MMP19: variants seen among roughly 807,000 people sequenced by gnomAD.
The protein encoded by MMP19 is matrix metallopeptidase 19.
In MMP19, 47 loss-of-function variants were observed where a neutral mutation model predicts 46.6. The ratio of observed to expected loss-of-function variants is 1.01; its 90% CI spans 0.80 to 1.29. The LOEUF (loss-of-function observed/expected upper bound fraction) is 1.29. Ranked by LOEUF, MMP19 falls within the 50% of genes most tolerant of loss-of-function variation. MMP19 has a pLI of 0.00. For missense variants in MMP19, 589 were observed against 643.5 expected (o/e 0.92, Z 0.92); for synonymous variants, 222 against 248.5 (o/e 0.89, Z 1.00).
At chr12:55,842,533 C>A in intron 1 of MMP19, 95 bp from the exon 2 acceptor site, 1 of 1,078,850 alleles carries the variant, frequency 9.3e-7, no homozygotes, top group South Asian at 1.3e-5. Flanking sequence ...GAGGAGGGAC[C>A]TGATATGGAA....
Position 55,837,110 on chromosome 12 carries a change from T to C in MMP19, c.1453A>G (p.Asn485Asp). 6.2e-7 allele frequency: 1 copy of C among 1,612,984 alleles called. No homozygotes were observed. The highest frequency in any genetic ancestry group is 2.2e-5 in the East Asian group (1 of 44,856). ...RTIDTTPSGG[N>D]TTPSGTGITL... ...ATGCCCGTACCTGAGGGAGTGGTAT[T>C]CCCACCTGATGGGGTAGTGTCTATA... The change falls in exon 9 of 9, where the codon AAT becomes GAT. Residue 485 changes from asparagine to aspartate, a missense_variant. Physicochemically the swap from Asn to Asp is conservative, Grantham distance 23. Transcript: ENST00000322569.
chr12:55,842,711 C>T (rs373082562), intron 1 of MMP19, 33 bp downstream of exon 1: 107 of 1,552,008 alleles, frequency 6.9e-5, no homozygotes, highest in Middle Eastern at 5.1e-4. Flanking sequence ...CCTGTCCCTC[C>T]GCTGGCCCAG....
At chr12:55,842,248 C>G in intron 2 of MMP19, 105 bp downstream of exon 2, 1 of 880,476 alleles carries the variant, frequency 1.1e-6, no homozygotes, top group Non-Finnish European at 1.9e-6. Flanking sequence ...AAATCCCTGG[C>G]ATGGTTTAGG....
In MMP19 at chr12:55,842,383, A is replaced by C; in HGVS notation, c.143T>G (p.Phe48Cys). 1 of 1,613,978 alleles carries C rather than the reference A, an allele frequency of 6.2e-7. No individual in the cohort carries two copies. Among genetic ancestry groups the C allele is most frequent in the Non-Finnish European group, 8.5e-7 (1 of 1,179,924 alleles). ...AGCCTCGGTGATATCTTCTGGCTTG[A>C]AGTTATTAGATCCTTCTAGAGGCTT... ...LQKPLEGSNNFKPEDITEALR... is the reference protein window; with the variant it reads ...LQKPLEGSNNCKPEDITEALR... The change falls in exon 2 of 9, where the codon TTC becomes TGC. Residue 48 changes from phenylalanine to cysteine, a missense_variant. Phe to Cys is a radical substitution (Grantham distance 205). Coordinates refer to ENST00000322569, the MANE Select transcript of MMP19 (RefSeq NM_002429.6).
rs1881675704 is a variant in MMP19, at chr12:55,841,256, G to T, written c.174-20C>A. 1.0e-5 allele frequency: 16 copies of T among 1,605,282 alleles called. No individual in the cohort carries two copies. Among genetic ancestry groups the T allele is most frequent in the Non-Finnish European group, 1.4e-5 (16 of 1,176,266 alleles). On this transcript the variant is annotated intron_variant, in intron 2 of 8. Transcript: ENST00000322569. Reference sequence around the variant, plus strand: ...AAAGCTCTGAAGGAGGGAGAGGGATGGGTCTACCAGGACAGGAAAATCTGA... The same window carrying T: ...AAAGCTCTGAAGGAGGGAGAGGGATTGGTCTACCAGGACAGGAAAATCTGA...
At chr12:55,841,392 C>T in intron 2 of MMP19, 156 bp from the exon 3 acceptor site, 1 of 707,418 alleles carries the variant, frequency 1.4e-6, no homozygotes, top group Non-Finnish European at 2.3e-6. Context: ...GTCCTCATAA[C>T]TGGGACTTTC....
intron 5 of MMP19, among the ~76,000 whole-genome samples, chr12:55,839,017 A>AT (rs1881473390): frequency 6.6e-6 from 1 of 152,082 alleles, no homozygotes; most frequent in African/African-American, 2.4e-5. Context: ...AGGCGGGTGG[A>AT]TTGCCTGAGC....
chr12:55,840,061 C>T (rs1881571566), intron 4 of MMP19: 2 of 302,294 alleles, frequency 6.6e-6, no homozygotes, highest in Non-Finnish European at 1.2e-5. Context: ...GGTGATGGCT[C>T]ACACCTGTAA....
At position 55,839,509 on chromosome 12, in the gene MMP19, G is replaced by A. The variant is rs1174166847; in HGVS notation, c.753C>T (p.Ile251=). Residue 251 remains isoleucine, a synonymous_variant, in exon 5 of 9, where the codon ATC becomes ATT. Transcript: ENST00000322569. ...FKLHPDDVAG[I]QALYGKKSPV... ...GGAGGGACTGACCATAGAGAGCCTG[G>A]ATCCCTGCCACATCATCTGGGTGCA... 2 of 1,609,944 alleles carry A rather than the reference G, an allele frequency of 1.2e-6. No individual in the cohort carries two copies. Among genetic ancestry groups the A allele is most frequent in the Non-Finnish European group, 1.7e-6 (2 of 1,176,704 alleles).
At position 55,839,694 on chromosome 12, in the gene MMP19, A is replaced by C. The variant is rs1881542785; in HGVS notation, c.568T>G (p.Phe190Val). 1 of 1,614,022 alleles carries C rather than the reference A, an allele frequency of 6.2e-7. No individual in the cohort carries two copies. The highest frequency in any genetic ancestry group is 1.7e-5 in the Admixed American group (1 of 59,982). ...ADIPELGSVH[F>V]DEDEFWTEGT... ...TCAGTCCAGAACTCGTCTTCGTCGA[A>C]GTGCACACTGCCCAGCTCTGGGATG... Residue 190 changes from phenylalanine (F) to valine (V), a missense_variant, in exon 5 of 9, where the codon TTC becomes GTC. Transcript: ENST00000322569.
At position 55,842,387 on chromosome 12, in the gene MMP19, T is replaced by C. The variant is rs1412715104; in HGVS notation, c.139A>G (p.Asn47Asp). ...TCGGTGATATCTTCTGGCTTGAAGT[T>C]ATTAGATCCTTCTAGAGGCTTCTGT... ...YLQKPLEGSN[N>D]FKPEDITEAL... Residue 47 changes from asparagine to aspartate, a missense_variant, in exon 2 of 9, where the codon AAC (asparagine) becomes GAC (aspartate). Asn to Asp is a conservative substitution (Grantham distance 23). Transcript: ENST00000322569. 8 of 1,613,890 alleles carry C rather than the reference T, an allele frequency of 5.0e-6. No individual in the cohort carries two copies. Among genetic ancestry groups the C allele is most frequent in the Non-Finnish European group, 6.8e-6 (8 of 1,179,942 alleles).
At chr12:55,839,383 G>T in intron 5 of MMP19, 113 bp downstream of exon 5, 1 of 1,335,530 alleles carries the variant, frequency 7.5e-7, no homozygotes, top group Non-Finnish European at 1.0e-6. Context: ...TAACTGGGCT[G>T]GAGGAGAAGA....
In MMP19 at chr12:55,841,159, C is replaced by T. The variant is rs200207111; in HGVS notation, c.251G>A (p.Arg84His). ...DATRARMRQP[R>H]CGLEDPFNQK... ...GTTGAAGGGATCCTCTAGGCCACAA[C>T]GAGGCTGCCTCATGCGGGCCCTTGT... The change falls in exon 3 of 9, where the codon CGT becomes CAT. Residue 84 changes from arginine to histidine, a missense_variant. By Grantham distance (29) the Arg-to-His change is conservative. Transcript: ENST00000322569. 15 of 1,613,868 alleles carry T rather than the reference C, an allele frequency of 9.3e-6. No homozygotes were observed. In the African/African-American group the frequency reaches 1.1e-4, roughly 11 times the overall value.
chr12:55,836,930 G>C lies in MMP19; in HGVS notation c.*106C>G. On this transcript the variant is annotated 3_prime_UTR_variant, in exon 9 of 9. Transcript: ENST00000322569. ...CCTGCAAGGTTCTACTGAGCAGACAGGTATTTCATTCAGCTATTAGGCCTT... is the reference window on the plus strand; with the variant it reads ...CCTGCAAGGTTCTACTGAGCAGACACGTATTTCATTCAGCTATTAGGCCTT... 9.5e-7 allele frequency: 1 copy of C among 1,052,770 alleles called. No homozygotes were observed. Among genetic ancestry groups the C allele is most frequent in the South Asian group, 1.5e-5 (1 of 64,706 alleles). The allele number at this position is 1,052,770 out of a possible 1,614,324, so 65.2% of individuals were successfully genotyped here. A position where few individuals can be genotyped will look rare whatever the true frequency, so the allele number is the denominator to read the frequency against.
chr12:55,841,520 T>G, intron 2 of MMP19: 1 of 256,200 alleles, frequency 3.9e-6, no homozygotes, highest in Admixed American at 4.9e-5. Context: ...TCTTCCTTCC[T>G]TCCTTCCTTC....
intron 5 of MMP19, among the ~76,000 whole-genome samples, chr12:55,839,241 CAAAAAAAAAAAA>C (rs763182567): frequency 3.9e-4 from 23 of 58,780 alleles, no homozygotes; most frequent in Non-Finnish European, 7.6e-4. Flanking sequence ...GGCTCTATCT[CAAAAAAAAAAAA>C]AAAAAAAAAG....
At position 55,836,868 on chromosome 12, in the gene MMP19, G is replaced by A. The variant is rs1308112506; in HGVS notation, c.*168C>T. 6.8e-6 allele frequency: 4 copies of A among 592,178 alleles called. No homozygotes were observed. The highest frequency in any genetic ancestry group is 1.1e-5 in the Non-Finnish European group (4 of 348,954). The allele number at this position is 592,178 out of a possible 1,614,324, so 36.7% of individuals were successfully genotyped here. A position where few individuals can be genotyped will look rare whatever the true frequency, so the allele number is the denominator to read the frequency against. On this transcript the variant is annotated 3_prime_UTR_variant, in exon 9 of 9. Coordinates refer to ENST00000322569, the MANE Select transcript of MMP19 (RefSeq NM_002429.6). ...GTGGTGGCTGGAGTTGGAAGTGTTA[G>A]AGGCCTGAGATCTACGGTCTTGCGC...
Position 55,840,808 on chromosome 12 carries a change from C to T in MMP19, c.379G>A (p.Ala127Thr). 1 of 1,612,164 alleles carries T rather than the reference C, an allele frequency of 6.2e-7. No homozygotes were observed. The highest frequency in any genetic ancestry group is 1.7e-5 in the Admixed American group (1 of 59,908). ...PSTLPPHTARAALRQAFQDWS... is the reference protein window; with the variant it reads ...PSTLPPHTARTALRQAFQDWS... Reference sequence around the variant, plus strand: ...TCCTGGAAGGCTTGACGCAGGGCTGCCCGGGCTGTGTGGGGTGGAAGGGTG... The same window carrying T: ...TCCTGGAAGGCTTGACGCAGGGCTGTCCGGGCTGTGTGGGGTGGAAGGGTG... Residue 127 changes from alanine (A) to threonine (T), a missense_variant, in exon 4 of 9, where the codon GCA becomes ACA. Transcript: ENST00000322569.
At position 55,839,752 on chromosome 12, in the gene MMP19, G is replaced by A. The variant is rs367596225; in HGVS notation, c.521-11C>T. 2.7e-4 allele frequency: 426 copies of A among 1,605,374 alleles called. No individual in the cohort carries two copies. Among genetic ancestry groups the A allele is most frequent in the Non-Finnish European group, 3.5e-4 (413 of 1,175,636 alleles). On this transcript the variant is annotated splice_polypyrimidine_tract_variant and intron_variant, in intron 4 of 8. Coordinates refer to ENST00000322569, the MANE Select transcript of MMP19 (RefSeq NM_002429.6). ...GGGCCAGGACTCTCCCTGGACAAAGGCAAAGGTGAACAGGAAGGAGGTCAG... is the reference window on the plus strand; with the variant it reads ...GGGCCAGGACTCTCCCTGGACAAAGACAAAGGTGAACAGGAAGGAGGTCAG...
Sources: gnomAD v4.1 joint callset for allele counts (sites outside exome capture counted in the v4.1 genomes callset) on GRCh38, gnomAD v4.1.1 for gene constraint, MANE v1.5 for transcripts, NCBI Gene and HGNC (gene_info 2026-07-23, HGNC 2026-07-21) for gene names.